Variants in ATRNL1 observed in about 807,000 individuals in gnomAD.
ATRNL1 encodes attractin-like protein 1.
In ATRNL1, 95 loss-of-function variants were observed where a neutral mutation model predicts 182.7. The observed-to-expected ratio is 0.52, with a 90% CI of 0.44 to 0.62. The LOEUF is 0.62. Among genes scored for constraint, ATRNL1 ranks in the 20% least tolerant of loss-of-function variants. ATRNL1 has a pLI of 0.00. For missense variants in ATRNL1, 1,471 were observed against 1,679.5 expected (o/e 0.88, Z 2.17); for synonymous variants, 576 against 568.3 (o/e 1.01, Z -0.19).
chr10:115,913,119 G>A (rs760146816), intron 28 of ATRNL1, among the ~76,000 whole-genome samples: 4 of 152,222 alleles, frequency 2.6e-5, no homozygotes, highest in African/African-American at 9.7e-5. Context: ...ATAACAGGCT[G>A]CAAAAGTACT....
At chr10:115,536,990 G>A (rs1184815107) in intron 25 of ATRNL1, among the ~76,000 whole-genome samples, 5 of 152,102 alleles carry the variant, frequency 3.3e-5, no homozygotes, top group Non-Finnish European at 7.4e-5. Context: ...ATAAGATTAT[G>A]ATGATGGATA....
chr10:115,835,866 C>T (rs190679804), intron 27 of ATRNL1, among the ~76,000 whole-genome samples: 256 of 152,256 alleles, frequency 1.7e-3, no homozygotes, highest in African/African-American at 6.0e-3. Flanking sequence ...AGCCTCTTGT[C>T]TCAATGTGAT....
At chr10:115,350,400 G>T (rs1488742414) in intron 19 of ATRNL1, among the ~76,000 whole-genome samples, 1 of 140,726 alleles carries the variant, frequency 7.1e-6, no homozygotes, top group East Asian at 2.2e-4. Flanking sequence ...TGGTTTCAAA[G>T]TTTCAGGTCT....
intron 28 of ATRNL1, among the ~76,000 whole-genome samples, chr10:115,938,996 A>C (rs1490390850): frequency 6.6e-6 from 1 of 152,208 alleles, no homozygotes; most frequent in Non-Finnish European, 1.5e-5. Context: ...AACTAAAAGA[A>C]TAGATTTTTA....
chr10:115,184,961 A>G (rs1847886611), intron 8 of ATRNL1, among the ~76,000 whole-genome samples: 1 of 151,974 alleles, frequency 6.6e-6, no homozygotes, highest in South Asian at 2.1e-4. Context: ...CAATTCTGAA[A>G]TTATTTTAGA....
chr10:115,798,830 CTTTTTTTT>C, intron 27 of ATRNL1, among the ~76,000 whole-genome samples: 1 of 110,346 alleles, frequency 9.1e-6, no homozygotes, highest in South Asian at 2.8e-4. Context: ...TTTCTTTTTT[CTTTTTTTT>C]TTTTTTGAGT....
chr10:115,176,132 C>G (rs1315435602), intron 8 of ATRNL1, among the ~76,000 whole-genome samples: 2 of 152,044 alleles, frequency 1.3e-5, no homozygotes, highest in Non-Finnish European at 2.9e-5. Context: ...CTGTTCATAT[C>G]CTTCACCCAC....
chr10:115,669,263 CAG>C (rs1160101014), intron 26 of ATRNL1, among the ~76,000 whole-genome samples: 2 of 152,016 alleles, frequency 1.3e-5, no homozygotes, highest in African/African-American at 4.8e-5. Context: ...ATTTTTCTGA[CAG>C]AATATGATAG....
intron 23 of ATRNL1, 33 bp downstream of exon 23, chr10:115,467,285 A>T (rs1554971042): frequency 1.4e-6 from 2 of 1,448,496 alleles, no homozygotes; most frequent in Non-Finnish European, 1.9e-6. Context: ...TCTCTTTTAC[A>T]TGTGTTCCTA....
At chr10:115,404,244 T>C (rs1284486651) in intron 20 of ATRNL1, among the ~76,000 whole-genome samples, 2 of 152,214 alleles carry the variant, frequency 1.3e-5, no homozygotes, top group Non-Finnish European at 2.9e-5. Flanking sequence ...AGATTGAATG[T>C]CATTTAATCG....
chr10:115,268,950 G>T (rs1239575291), intron 13 of ATRNL1, among the ~76,000 whole-genome samples: 1 of 152,114 alleles, frequency 6.6e-6, no homozygotes. Flanking sequence ...TCTCACAGGG[G>T]ACATTTTGCA....
chr10:115,385,008 T>G (rs1858253949), intron 19 of ATRNL1, among the ~76,000 whole-genome samples: 1 of 152,052 alleles, frequency 6.6e-6, no homozygotes, highest in African/African-American at 2.4e-5. Context: ...TTTATATTTA[T>G]GTGTAAGTGT....
At chr10:115,790,872 A>T (rs1949515175) in intron 27 of ATRNL1, among the ~76,000 whole-genome samples, 1 of 152,184 alleles carries the variant, frequency 6.6e-6, no homozygotes, top group Non-Finnish European at 1.5e-5. Context: ...GTTCGTTAGC[A>T]TTAAAAATGT....
intron 8 of ATRNL1, among the ~76,000 whole-genome samples, chr10:115,212,371 A>G (rs1355623399): frequency 6.6e-6 from 1 of 151,628 alleles, no homozygotes; most frequent in Non-Finnish European, 1.5e-5. Context: ...GGTTGCAGAG[A>G]AAAAGGAATG....
At chr10:115,923,575 A>G (rs1195091716) in intron 28 of ATRNL1, among the ~76,000 whole-genome samples, 2 of 152,164 alleles carry the variant, frequency 1.3e-5, no homozygotes, top group African/African-American at 4.8e-5. Context: ...ATGTCCCTGC[A>G]AAGGACATGA....
chr10:115,198,236 T>G (rs1848433954), intron 8 of ATRNL1, among the ~76,000 whole-genome samples: 1 of 152,130 alleles, frequency 6.6e-6, no homozygotes, highest in African/African-American at 2.4e-5. Context: ...ATCATTTTGG[T>G]TTTAATTTGC....
At chr10:115,804,886 A>G (rs1467346106) in intron 27 of ATRNL1, among the ~76,000 whole-genome samples, 2 of 152,174 alleles carry the variant, frequency 1.3e-5, no homozygotes, top group Non-Finnish European at 2.9e-5. Flanking sequence ...AATTTCTTTT[A>G]AAGAAGATTA....
chr10:115,707,656 A>C (rs1347001058), intron 26 of ATRNL1, among the ~76,000 whole-genome samples: 3 of 151,716 alleles, frequency 2.0e-5, no homozygotes, highest in African/African-American at 7.2e-5. Context: ...TTATATTCTT[A>C]ACATTTTCCA....
chr10:115,909,534 G>C (rs1007775135), intron 28 of ATRNL1: 13 of 149,636 alleles, frequency 8.7e-5, no homozygotes, highest in Admixed American at 2.0e-4. Flanking sequence ...AACCAGATCT[G>C]CTTGCCAGGC....
Sources: gnomAD v4.1 joint callset for allele counts (sites outside exome capture counted in the v4.1 genomes callset) on GRCh38, gnomAD v4.1.1 for gene constraint, MANE v1.5 for transcripts, NCBI Gene and HGNC (gene_info 2026-07-23, HGNC 2026-07-21) for gene names.